The following TCP11L1 variants were observed in gnomAD, a reference collection of about 807,000 sequenced individuals.
TCP11L1 encodes T-complex protein 11-like protein 1.
TCP11L1 carries 28 observed loss-of-function variants against 48.9 expected under a neutral mutation model. The observed-to-expected ratio is 0.57, with a 90% CI of 0.42 to 0.78. TCP11L1 has a LOEUF of 0.78. Among genes scored for constraint, TCP11L1 ranks in the 30% least tolerant of loss-of-function variants. The pLI is 0.00. For missense variants in TCP11L1, 505 were observed against 613.4 expected, an observed-to-expected ratio of 0.82 and a Z score of 1.87; for synonymous variants, 204 against 231.9, an observed-to-expected ratio of 0.88 and a Z score of 1.09.
intron 2 of TCP11L1, among the ~76,000 whole-genome samples, chr11:33,045,909 G>A (rs1261248951): frequency 3.3e-5 from 5 of 152,210 alleles, no homozygotes; most frequent in African/African-American, 4.8e-5. Context: ...CAGCTGTGAC[G>A]GTTTAGCATT....
intron 8 of TCP11L1, among the ~76,000 whole-genome samples, chr11:33,067,290 CTCTA>C (rs1854646660): frequency 6.6e-6 from 1 of 152,146 alleles, no homozygotes; most frequent in African/African-American, 2.4e-5. Context: ...TAAGTAAATG[CTCTA>C]TCTAACAAGG....
Position 33,039,614 on chromosome 11 carries a change from C to CT in TCP11L1, c.-202dup, listed in dbSNP as rs1853767527. ...TGCTGAGAAGCGGCCGCTCTGACCG[C>CT]TGCCCACCCGAGTCGGGCTGGGAGG... On this transcript the variant is annotated 5_prime_UTR_variant, in exon 1 of 10. It introduces an in-frame stop codon into an upstream open reading frame of the 5' UTR. Coordinates refer to ENST00000334274, the MANE Select transcript of TCP11L1 (RefSeq NM_018393.4). 6.6e-6 allele frequency: 1 copy of CT among 152,370 alleles called. No individual in the cohort carries two copies. Among genetic ancestry groups the CT allele is most frequent in the Non-Finnish European group, 1.5e-5 (1 of 68,142 alleles). The allele number at this position is 152,370 out of a possible 1,614,324, so 9.4% of individuals were successfully genotyped here.
intron 1 of TCP11L1, among the ~76,000 whole-genome samples, chr11:33,042,105 A>G (rs1323855876): frequency 6.6e-6 from 1 of 152,154 alleles, no homozygotes; most frequent in Non-Finnish European, 1.5e-5. Flanking sequence ...TAAAACTTTT[A>G]CTGTAATTAA....
intron 9 of TCP11L1, 151 bp from the exon 10 acceptor site, chr11:33,072,323 A>G (rs752474787): frequency 9.3e-6 from 7 of 751,212 alleles, no homozygotes; most frequent in South Asian, 1.7e-5. Context: ...ATGAATATGC[A>G]GAAGTGCAAG....
At chr11:33,047,957 G>A (rs1331739034) in intron 2 of TCP11L1, among the ~76,000 whole-genome samples, 1 of 152,098 alleles carries the variant, frequency 6.6e-6, no homozygotes, top group Non-Finnish European at 1.5e-5. Context: ...GGCATCTCAG[G>A]ACACCTTAGT....
chr11:33,045,273 A>T (rs1012673345), intron 2 of TCP11L1, among the ~76,000 whole-genome samples: 1 of 151,054 alleles, frequency 6.6e-6, no homozygotes, highest in African/African-American at 2.4e-5. Context: ...GGATCACTTG[A>T]GCCTGGGAGG....
intron 4 of TCP11L1, among the ~76,000 whole-genome samples, 193 bp downstream of exon 4, chr11:33,057,428 C>T (rs1854342038): frequency 1.3e-5 from 2 of 152,160 alleles, no homozygotes; most frequent in Admixed American, 1.3e-4. Context: ...CCATGATAAC[C>T]TGAAGGCATT....
In TCP11L1 at chr11:33,072,509, G is replaced by T; in HGVS notation, c.1363G>T (p.Ala455Ser). Reference protein sequence around the residue: ...RILTFLETYLASGHQKPLPTV... With the variant: ...RILTFLETYLSSGHQKPLPTV... ...CCTGACCTTCTTAGAAACCTACCTT[G>T]CCTCGGGTCATCAGAAGCCATTGCC... The change falls in exon 10 of 10, where the codon GCC becomes TCC. Residue 455 changes from alanine (A) to serine (S), a missense_variant. This residue lies in a region of TCP11L1 where 335 missense variants were observed against 413.3 expected (regional missense o/e 0.81). Coordinates refer to ENST00000334274, the MANE Select transcript of TCP11L1 (RefSeq NM_018393.4). The T allele has an allele frequency of 6.2e-7, 1 of 1,614,142 alleles. No homozygotes were observed. The highest frequency in any genetic ancestry group is 8.5e-7 in the Non-Finnish European group (1 of 1,180,032).
At chr11:33,061,508 T>C (rs200409892) in intron 6 of TCP11L1, 22 bp from the exon 7 acceptor site, 3 of 1,561,520 alleles carry the variant, frequency 1.9e-6, no homozygotes, top group East Asian at 4.6e-5. Flanking sequence ...CAAGGTAATG[T>C]GTGCAGCTTT....
chr11:33,069,663 C>T (rs990389061), intron 9 of TCP11L1, among the ~76,000 whole-genome samples: 1 of 152,048 alleles, frequency 6.6e-6, no homozygotes, highest in African/African-American at 2.4e-5. Context: ...GATGCGATCT[C>T]GGCTCACTGC....
intron 7 of TCP11L1, 117 bp downstream of exon 7, chr11:33,061,843 G>T: frequency 1.0e-6 from 1 of 994,404 alleles, no homozygotes; most frequent in Non-Finnish European, 1.4e-6. Flanking sequence ...CACTTTGGGA[G>T]GCAGAGGCAG....
chr11:33,046,944 C>T (rs908815441), intron 2 of TCP11L1, among the ~76,000 whole-genome samples: 1 of 143,406 alleles, frequency 7.0e-6, no homozygotes, highest in African/African-American at 2.5e-5. Context: ...GTTGCTAGGC[C>T]AGGCGCATTG....
At position 33,057,941 on chromosome 11, in the gene TCP11L1, C is replaced by T; in HGVS notation, c.440C>T (p.Pro147Leu). 1 of 1,613,560 alleles carries T rather than the reference C, an allele frequency of 6.2e-7. No individual in the cohort carries two copies. Among genetic ancestry groups the T allele is most frequent in the Non-Finnish European group, 8.5e-7 (1 of 1,179,930 alleles). ...IKETLLSFLL[P>L]GHTRLRNQIT... Reference sequence around the variant, plus strand: ...TAGACTCTCTTATCTTTCTTGCTGCCTGGTCATACTAGACTGAGAAACCAG... The same window carrying T: ...TAGACTCTCTTATCTTTCTTGCTGCTTGGTCATACTAGACTGAGAAACCAG... Residue 147 changes from proline to leucine, a missense_variant, in exon 5 of 10, where the codon CCT (proline) becomes CTT (leucine). By Grantham distance (98) the Pro-to-Leu change is moderately conservative (BLOSUM62 -3). Coordinates refer to ENST00000334274, the MANE Select transcript of TCP11L1 (RefSeq NM_018393.4).
intron 2 of TCP11L1, among the ~76,000 whole-genome samples, chr11:33,052,551 C>A (rs1217001743): frequency 1.3e-5 from 2 of 151,618 alleles, no homozygotes; most frequent in African/African-American, 4.9e-5. Context: ...ATCTTTTAAA[C>A]CTGGGCAAAC....
intron 1 of TCP11L1, chr11:33,041,351 G>A (rs1853826746): frequency 6.6e-6 from 1 of 152,194 alleles, no homozygotes; most frequent in Admixed American, 6.5e-5. Flanking sequence ...AGCATTTCCT[G>A]ACCCTAATAG....
intron 3 of TCP11L1, 126 bp downstream of exon 3, chr11:33,054,851 A>T: frequency 8.5e-7 from 1 of 1,176,310 alleles, no homozygotes; most frequent in Non-Finnish European, 1.2e-6. Context: ...TTGCTAAAAA[A>T]TATTCCTGAA....
At chr11:33,048,576 A>G (rs563054699) in intron 2 of TCP11L1, among the ~76,000 whole-genome samples, 4 of 152,314 alleles carry the variant, frequency 2.6e-5, no homozygotes, top group South Asian at 4.1e-4. Flanking sequence ...TTTATCTATC[A>G]TGATCAGATA....
At chr11:33,070,956 C>T (rs1162665212) in intron 9 of TCP11L1, among the ~76,000 whole-genome samples, 10 of 144,608 alleles carry the variant, frequency 6.9e-5, no homozygotes, top group Admixed American at 5.5e-4. Context: ...GAGCCGAGAT[C>T]GCGCCACTGC....
chr11:33,041,549 G>A lies in TCP11L1; in HGVS notation c.-25+1757G>A, dbSNP rs556397461. Among the ~76,000 whole-genome samples the A allele has an allele frequency of 1.9e-3, 293 of 152,220 alleles. 1 individual carries two copies. The highest frequency in any genetic ancestry group is 3.3e-3 in the Non-Finnish European group (227 of 68,000). On this transcript the variant is annotated intron_variant, in intron 1 of 9. Transcript: ENST00000334274. Reference sequence around the variant, plus strand: ...GCGGATCACTAGAGGTCAGGAGTTCGAGACAAGCCTGGCCAACATAGTGAA... The same window carrying A: ...GCGGATCACTAGAGGTCAGGAGTTCAAGACAAGCCTGGCCAACATAGTGAA...
Sources: allele counts gnomAD v4.1 joint callset (sites outside exome capture counted in the v4.1 genomes callset), GRCh38; gene constraint gnomAD v4.1.1; regional missense constraint gnomAD v4.1.1; transcripts MANE v1.5; gene names NCBI Gene and HGNC (gene_info 2026-07-23, HGNC 2026-07-21).